Variants in FOXO3 observed in about 807,000 individuals in gnomAD.
The protein encoded by FOXO3 is forkhead box O3.
FOXO3 carries 4 observed loss-of-function variants against 41.9 expected under a neutral mutation model. The observed-to-expected ratio is 0.10, with a 90% confidence interval of 0.05 to 0.22. The LOEUF is 0.22. Among genes scored for constraint, FOXO3 ranks in the 10% least tolerant of loss-of-function variants. The pLI is 1.00. For missense variants in FOXO3, 534 were observed against 906.8 expected (o/e 0.59, Z 5.28); for synonymous variants, 318 against 389.3 (o/e 0.82, Z 2.16).
chr6:108,592,520 C>G (rs907127380), intron 1 of FOXO3, among the ~76,000 whole-genome samples: 12 of 152,168 alleles, frequency 7.9e-5, no homozygotes, highest in African/African-American at 2.7e-4. Context: ...AAGTTCTTGG[C>G]TTTCAGGAAC....
intron 1 of FOXO3, among the ~76,000 whole-genome samples, chr6:108,575,634 C>A (rs1043979260): frequency 6.6e-6 from 1 of 152,182 alleles, no homozygotes; most frequent in African/African-American, 2.4e-5. Context: ...TTGTTTATCT[C>A]ATCCTTCATA....
intron 1 of FOXO3, among the ~76,000 whole-genome samples, chr6:108,566,093 G>A (rs1445011966): frequency 2.0e-5 from 3 of 152,120 alleles, no homozygotes; most frequent in African/African-American, 7.2e-5. Context: ...TACAGCCCCA[G>A]TACACTAGAG....
intron 1 of FOXO3, among the ~76,000 whole-genome samples, chr6:108,590,827 T>A (rs1776714349): frequency 6.6e-6 from 1 of 152,186 alleles, no homozygotes; most frequent in African/African-American, 2.4e-5. Context: ...CTTTTCTCAT[T>A]TTAGTATTGG....
At chr6:108,566,112 T>C (rs1775940949) in intron 1 of FOXO3, among the ~76,000 whole-genome samples, 1 of 152,202 alleles carries the variant, frequency 6.6e-6, no homozygotes, top group Admixed American at 6.5e-5. Flanking sequence ...AGGGACTGTT[T>C]TTCCTCTTTT....
At chr6:108,617,198 C>T (rs1401232255) in intron 1 of FOXO3, among the ~76,000 whole-genome samples, 1 of 152,130 alleles carries the variant, frequency 6.6e-6, no homozygotes, top group African/African-American at 2.4e-5. Flanking sequence ...GAGGAACTGC[C>T]AAGTTGTTTT....
At chr6:108,645,040 C>T (rs1451895222) in intron 1 of FOXO3, among the ~76,000 whole-genome samples, 3 of 152,274 alleles carry the variant, frequency 2.0e-5, no homozygotes, top group Middle Eastern at 3.4e-3. Context: ...ACTGAACCTG[C>T]GGCCTCTCCA....
intron 1 of FOXO3, among the ~76,000 whole-genome samples, chr6:108,576,165 C>T (rs1197749651): frequency 2.0e-5 from 3 of 152,158 alleles, no homozygotes; most frequent in African/African-American, 4.8e-5. Flanking sequence ...AAGTTTACAG[C>T]CTTCTTTTTG....
intron 1 of FOXO3, among the ~76,000 whole-genome samples, chr6:108,579,689 G>A (rs746979270): frequency 3.9e-5 from 6 of 152,174 alleles, no homozygotes; most frequent in Non-Finnish European, 8.8e-5. Context: ...CAAGGAGAGA[G>A]GGTATCTTGA....
At chr6:108,624,136 G>T (rs1777748395) in intron 1 of FOXO3, among the ~76,000 whole-genome samples, 1 of 152,084 alleles carries the variant, frequency 6.6e-6, no homozygotes, top group Non-Finnish European at 1.5e-5. Context: ...AAAATTCTTT[G>T]ACCTGCCTAG....
chr6:108,644,576 C>G (rs914262880), intron 1 of FOXO3, among the ~76,000 whole-genome samples: 1 of 152,162 alleles, frequency 6.6e-6, no homozygotes, highest in Non-Finnish European at 1.5e-5. Context: ...TGTCTGGTGG[C>G]TTCTGTTCTT....
chr6:108,595,847 A>G (rs1776869014), intron 1 of FOXO3, among the ~76,000 whole-genome samples: 2 of 152,186 alleles, frequency 1.3e-5, no homozygotes, highest in Non-Finnish European at 2.9e-5. Context: ...CCAAGCTGCC[A>G]ATTTACCTTG....
In FOXO3 at chr6:108,663,624, G is replaced by A. The variant is rs760311828; in HGVS notation, c.791G>A (p.Arg264His). 1.7e-5 allele frequency: 28 copies of A among 1,613,578 alleles called. No individual in the cohort carries two copies. Among genetic ancestry groups the A allele is most frequent in the Non-Finnish European group, 2.3e-5 (27 of 1,179,684 alleles). ...MDNSNKYTKS[R>H]GRAAKKKAAL... ...AATAGCAACAAGTATACCAAGAGCC[G>A]TGGCCGCGCAGCCAAGAAGAAGGCA... is the stretch of plus-strand genomic sequence containing the variant. Residue 264 changes from arginine (R) to histidine (H), a missense_variant, in exon 2 of 3, where the codon CGT (arginine) becomes CAT (histidine). Physicochemically the swap from Arg to His is conservative, Grantham distance 29. Around this residue, in one of 8 missense-constraint regions of FOXO3, gnomAD observed 77 missense variants for 193.2 expected, o/e 0.40. Coordinates refer to ENST00000406360, the MANE Select transcript of FOXO3 (RefSeq NM_001455.4).
rs376941071 is a variant in FOXO3 at position 108,604,124 on chromosome 6, G to A, written c.621+42295G>A. Among the ~76,000 whole-genome samples, 14 of 152,226 alleles carry A rather than the reference G, an allele frequency of 9.2e-5. No individual in the cohort carries two copies. In the East Asian group the frequency reaches 2.5e-3, roughly 27 times the overall value. ...GTTGGAAGGAAAGGAGGCAGCATCA[G>A]GCACAATTTATTGAAGAGGTCAGAA... On this transcript the variant is annotated intron_variant, in intron 1 of 2. Coordinates refer to ENST00000406360, the MANE Select transcript of FOXO3 (RefSeq NM_001455.4).
intron 1 of FOXO3, among the ~76,000 whole-genome samples, chr6:108,568,678 T>C (rs1159260497): frequency 6.6e-6 from 1 of 152,180 alleles, no homozygotes; most frequent in Non-Finnish European, 1.5e-5. Flanking sequence ...AAGGGGCTGA[T>C]GTGACTCAGG....
intron 1 of FOXO3, among the ~76,000 whole-genome samples, chr6:108,638,748 G>T (rs1412616568): frequency 6.6e-6 from 1 of 152,182 alleles, no homozygotes; most frequent in African/African-American, 2.4e-5. Flanking sequence ...TGTTCGTATT[G>T]TGTAGTTAGG....
At chr6:108,657,469 T>C (rs1292184939) in intron 1 of FOXO3, among the ~76,000 whole-genome samples, 1 of 152,190 alleles carries the variant, frequency 6.6e-6, no homozygotes, top group Non-Finnish European at 1.5e-5. Context: ...CGTACCTTAC[T>C]ATCTTAGCCT....
intron 1 of FOXO3, among the ~76,000 whole-genome samples, chr6:108,659,358 G>A (rs1240237481): frequency 6.6e-6 from 1 of 152,154 alleles, no homozygotes; most frequent in East Asian, 1.9e-4. Context: ...AGCCCAAGTA[G>A]ATTAAATGGT....
chr6:108,586,603 CT>C (rs950446316), intron 1 of FOXO3, among the ~76,000 whole-genome samples: 1 of 152,088 alleles, frequency 6.6e-6, no homozygotes. Flanking sequence ...TGGGAAGGTT[CT>C]TGGAGGACCC....
chr6:108,648,277 G>GTCTGT (rs1490618308), intron 1 of FOXO3, among the ~76,000 whole-genome samples: 2 of 152,204 alleles, frequency 1.3e-5, no homozygotes, highest in African/African-American at 4.8e-5. Flanking sequence ...GACATAAGGT[G>GTCTGT]TCTGTTCTTG....
Sources: gnomAD v4.1 joint callset for allele counts (sites outside exome capture counted in the v4.1 genomes callset) on GRCh38, gnomAD v4.1.1 for gene constraint, gnomAD v4.1.1 regional missense constraint, MANE v1.5 for transcripts, NCBI Gene and HGNC (gene_info 2026-07-23, HGNC 2026-07-21) for gene names.